LRRTM4: variants seen among roughly 807,000 people sequenced by gnomAD.
The protein encoded by LRRTM4 is leucine rich repeat transmembrane neuronal 4, also known as leucine-rich repeat transmembrane neuronal protein 4.
Under a neutral mutation model 47.6 loss-of-function variants are expected in LRRTM4, and 25 were observed. The observed-to-expected ratio is 0.53, with a 90% CI of 0.38 to 0.73. The LOEUF (loss-of-function observed/expected upper bound fraction) is 0.73, where lower values mean the gene tolerates loss of function less well. LRRTM4 is among the 30% of genes least tolerant of loss of function. LRRTM4 has a pLI of 0.00. For synonymous variants in LRRTM4, 311 were observed against 269.5 expected (o/e 1.15, Z -1.51); for missense variants, 638 against 713.4 (o/e 0.89, Z 1.20).
chr2:77,115,628 T>C (rs1226781903), intron 3 of LRRTM4, among the ~76,000 whole-genome samples: 2 of 152,180 alleles, frequency 1.3e-5, no homozygotes, highest in Non-Finnish European at 2.9e-5. Context: ...GTCCTAAGTA[T>C]AACAAAGTGG....
chr2:76,913,543 A>ATTTTTTTTTTTTTTTTTTTTTTTT (rs58615415), intron 3 of LRRTM4, among the ~76,000 whole-genome samples: 3 of 121,478 alleles, frequency 2.5e-5, no homozygotes, highest in African/African-American at 9.8e-5. Flanking sequence ...TCCTATTTCA[A>ATTTTTTTTTTTTTTTTTTTTTTTT]TTTTTTTTTT....
intron 3 of LRRTM4, among the ~76,000 whole-genome samples, chr2:76,950,283 T>C (rs1159249319): frequency 6.6e-6 from 1 of 151,938 alleles, no homozygotes; most frequent in East Asian, 1.9e-4. Context: ...TAATGTTACA[T>C]TTTAGCTCAC....
intron 3 of LRRTM4, among the ~76,000 whole-genome samples, chr2:77,022,494 C>T (rs988112254): frequency 3.9e-5 from 6 of 152,154 alleles, no homozygotes; most frequent in African/African-American, 1.2e-4. Flanking sequence ...TGAGACAAGG[C>T]AAGTCCCTTC....
At chr2:77,520,142 C>T (rs913900690) in intron 2 of LRRTM4, among the ~76,000 whole-genome samples, 2 of 152,020 alleles carry the variant, frequency 1.3e-5, no homozygotes, top group African/African-American at 4.8e-5. Context: ...CATTGAAAAG[C>T]ACAGAGCCTT....
At chr2:77,052,597 G>A (rs926866831) in intron 3 of LRRTM4, among the ~76,000 whole-genome samples, 69 of 151,780 alleles carry the variant, frequency 4.5e-4, no homozygotes, top group African/African-American at 1.5e-3. Context: ...CTGATCTGAA[G>A]GAAGAAGTCA....
chr2:77,086,796 A>G (rs954239069), intron 3 of LRRTM4, among the ~76,000 whole-genome samples: 78 of 152,222 alleles, frequency 5.1e-4, no homozygotes, highest in African/African-American at 1.8e-3. Context: ...AGCCCGGCCT[A>G]TATGTAATAA....
rs779915521 is a variant in LRRTM4, at chr2:76,784,452, ATATACATAGATATAT to A, written c.1552-35551_1552-35537del. ...TGAACACACACAAGTACATGTCTAC[ATATACATAGATATAT>A]TATACATAGATATATGAATGCTGTG... On this transcript the variant is annotated intron_variant, in intron 3 of 3. Transcript: ENST00000409884. Among the ~76,000 whole-genome samples the A allele has an allele frequency of 2.5e-4, 38 of 152,224 alleles. No individual in the cohort carries two copies. In the East Asian group the frequency reaches 3.1e-3, roughly 12 times the overall value.
intron 3 of LRRTM4, among the ~76,000 whole-genome samples, chr2:76,924,667 A>G (rs1418070235): frequency 1.3e-5 from 2 of 151,966 alleles, no homozygotes; most frequent in African/African-American, 2.4e-5. Flanking sequence ...CAAATTTTGC[A>G]TTGGCTTATG....
intron 3 of LRRTM4, among the ~76,000 whole-genome samples, chr2:76,893,077 T>C (rs949616389): frequency 1.8e-4 from 27 of 149,102 alleles, no homozygotes; most frequent in African/African-American, 6.6e-4. Context: ...AAAATCAATA[T>C]ACAAAAGTTA....
At chr2:76,837,395 T>G (rs1243397659) in intron 3 of LRRTM4, among the ~76,000 whole-genome samples, 2 of 152,060 alleles carry the variant, frequency 1.3e-5, no homozygotes, top group East Asian at 1.9e-4. Flanking sequence ...TCTGCTCTGA[T>G]CTTAGTTATT....
At chr2:76,795,583 A>T (rs1171330877) in intron 3 of LRRTM4, among the ~76,000 whole-genome samples, 1 of 96,172 alleles carries the variant, frequency 1.0e-5, no homozygotes, top group Admixed American at 1.1e-4. Context: ...ATATATGCAC[A>T]CACACACATA....
intron 3 of LRRTM4, among the ~76,000 whole-genome samples, chr2:77,260,407 G>GTGTGTGTGTA (rs1553418014): frequency 4.0e-4 from 60 of 151,278 alleles, no homozygotes; most frequent in African/African-American, 1.5e-3. Flanking sequence ...GTGTGTGTGT[G>GTGTGTGTGTA]TGTGTGTAGA....
At chr2:76,762,186 T>C (rs1036680227) in intron 3 of LRRTM4, among the ~76,000 whole-genome samples, 33 of 152,172 alleles carry the variant, frequency 2.2e-4, no homozygotes, top group African/African-American at 8.0e-4. Flanking sequence ...CTACAGAGCA[T>C]TACCTTTACA....
intron 3 of LRRTM4, among the ~76,000 whole-genome samples, chr2:77,131,687 A>G (rs1671807344): frequency 6.6e-6 from 1 of 152,132 alleles, no homozygotes; most frequent in African/African-American, 2.4e-5. Flanking sequence ...GCTCAGGACA[A>G]TGGGGAAGAA....
chr2:76,836,180 A>G (rs1671507891), intron 3 of LRRTM4, among the ~76,000 whole-genome samples: 1 of 150,812 alleles, frequency 6.6e-6, no homozygotes, highest in South Asian at 2.1e-4. Context: ...AAAAAATAAC[A>G]GTGAAGGAAA....
intron 3 of LRRTM4, among the ~76,000 whole-genome samples, chr2:77,497,508 C>T (rs188825978): frequency 6.6e-6 from 1 of 151,298 alleles, no homozygotes; most frequent in East Asian, 1.9e-4. Flanking sequence ...GAATCTTCTT[C>T]CACATCTCCC....
At chr2:76,837,358 G>GT (rs896605861) in intron 3 of LRRTM4, among the ~76,000 whole-genome samples, 98 of 151,780 alleles carry the variant, frequency 6.5e-4, no homozygotes, top group Admixed American at 3.9e-3. Context: ...TTTTTGAAGG[G>GT]TTTTTTTTGT....
At chr2:76,850,413 A>C (rs968137390) in intron 3 of LRRTM4, among the ~76,000 whole-genome samples, 2 of 152,180 alleles carry the variant, frequency 1.3e-5, no homozygotes, top group African/African-American at 4.8e-5. Context: ...ATTGGATTCA[A>C]ATCTTGGTTC....
At chr2:77,480,335 T>C (rs776619469) in intron 3 of LRRTM4, among the ~76,000 whole-genome samples, 1 of 152,212 alleles carries the variant, frequency 6.6e-6, no homozygotes, top group Non-Finnish European at 1.5e-5. Flanking sequence ...TTTCAGCTGA[T>C]TCAATAGGCA....
Sources: allele counts gnomAD v4.1 joint callset (sites outside exome capture counted in the v4.1 genomes callset), GRCh38; gene constraint gnomAD v4.1.1; transcripts MANE v1.5; gene names NCBI Gene and HGNC (gene_info 2026-07-23, HGNC 2026-07-21).